Variants in ACTR3C observed in about 807,000 individuals in gnomAD.
The protein encoded by ACTR3C is actin-related protein 3C.
In ACTR3C, 18 loss-of-function variants were observed where a neutral mutation model predicts 26.3. That is an observed-to-expected ratio of 0.68 (90% CI 0.47 to 1.01). ACTR3C has a LOEUF of 1.01. ACTR3C is among the 50% of genes least tolerant of loss of function. The probability of loss-of-function intolerance (pLI) is 0.00; values close to 1 mark genes in which losing one functional copy is unlikely to be tolerated. For missense variants in ACTR3C, 184 were observed against 250.7 expected, an observed-to-expected ratio of 0.73 and a Z score of 1.80; for synonymous variants, 55 against 94.5, an observed-to-expected ratio of 0.58 and a Z score of 2.42.
the ACTR3C span, among the ~76,000 whole-genome samples, chr7:150,056,077 A>G: frequency 6.6e-6 from 1 of 152,238 alleles, no homozygotes; most frequent in Non-Finnish European, 1.5e-5. Flanking sequence ...AAATGGAAAT[A>G]TCTACAAATT....
the ACTR3C span, among the ~76,000 whole-genome samples, chr7:150,154,437 G>A: frequency 4.6e-5 from 7 of 151,638 alleles, no homozygotes; most frequent in Non-Finnish European, 5.9e-5. Context: ...TACATAGGGC[G>A]ATTTGTTGGT....
At chr7:150,180,170 T>C in the ACTR3C span, among the ~76,000 whole-genome samples, 1 of 150,116 alleles carries the variant, frequency 6.7e-6, no homozygotes, top group African/African-American at 2.5e-5. Context: ...CCGGGCGTGG[T>C]CGTGGGCACC....
At chr7:150,196,697 TC>T in the ACTR3C span, among the ~76,000 whole-genome samples, 3 of 152,182 alleles carry the variant, frequency 2.0e-5, no homozygotes, top group African/African-American at 7.2e-5. Context: ...GGCTTTTTTT[TC>T]CTACTCCTTG....
At chr7:150,289,340 G>A (rs1836031616) in intron 4 of ACTR3C, 110 bp downstream of exon 4, 1 of 1,427,106 alleles carries the variant, frequency 7.0e-7, no homozygotes, top group Non-Finnish European at 9.2e-7. Context: ...CCACACTCAT[G>A]GGAAGGGGAG....
the ACTR3C span, among the ~76,000 whole-genome samples, chr7:149,915,822 C>G: frequency 6.7e-6 from 1 of 150,280 alleles, no homozygotes; most frequent in African/African-American, 2.5e-5. Flanking sequence ...TATACACACA[C>G]AAAAATGTTC....
chr7:150,320,648 A>G (rs1300429381), intron 1 of ACTR3C, among the ~76,000 whole-genome samples: 2 of 152,202 alleles, frequency 1.3e-5, no homozygotes, highest in African/African-American at 4.8e-5. Context: ...CTGTAATTCC[A>G]GCTACTTCGA....
the ACTR3C span, among the ~76,000 whole-genome samples, chr7:150,129,451 TTGATTTGCAGATAAAA>T: frequency 6.6e-5 from 10 of 152,190 alleles, no homozygotes; most frequent in African/African-American, 2.4e-4. Flanking sequence ...TAAAACTGGC[TTGATTTGCAGATAAAA>T]TGAACAGCTA....
the ACTR3C span, among the ~76,000 whole-genome samples, chr7:149,895,612 A>G: frequency 6.6e-6 from 1 of 152,138 alleles, no homozygotes; most frequent in Non-Finnish European, 1.5e-5. Flanking sequence ...AGGCAGGAGG[A>G]TAGCTTGAGC....
At chr7:150,036,053 C>T in the ACTR3C span, among the ~76,000 whole-genome samples, 3 of 119,858 alleles carry the variant, frequency 2.5e-5, no homozygotes, top group South Asian at 2.5e-4. Context: ...GAGGGGCTCG[C>T]TCTCAGTCCC....
At chr7:150,127,653 T>C in the ACTR3C span, among the ~76,000 whole-genome samples, 1 of 152,174 alleles carries the variant, frequency 6.6e-6, no homozygotes, top group African/African-American at 2.4e-5. Context: ...GAAAAACATA[T>C]CCGTTTTATT....
chr7:150,232,088 T>C, the ACTR3C span, among the ~76,000 whole-genome samples: 1 of 152,226 alleles, frequency 6.6e-6, no homozygotes, highest in Non-Finnish European at 1.5e-5. Flanking sequence ...TTGTTGTCTT[T>C]TTTGAGAATT....
At chr7:150,287,309 C>A (rs1029052824) in intron 4 of ACTR3C, among the ~76,000 whole-genome samples, 38 of 151,960 alleles carry the variant, frequency 2.5e-4, no homozygotes, top group Non-Finnish European at 3.4e-4. Context: ...GTGATAGGTC[C>A]CGGGGAAGAA....
chr7:149,971,957 A>C, the ACTR3C span, among the ~76,000 whole-genome samples: 1 of 152,076 alleles, frequency 6.6e-6, no homozygotes, highest in Admixed American at 6.5e-5. Flanking sequence ...TGGGATCTCT[A>C]AGGGCCCTCT....
At chr7:149,926,025 C>T in the ACTR3C span, among the ~76,000 whole-genome samples, 68,596 of 151,648 alleles carry the variant, frequency 0.45, 16,327 homozygotes, top group Non-Finnish European at 0.53. Flanking sequence ...ACTGTGCCGC[C>T]GCACTCTAGC....
chr7:149,997,552 A>C, the ACTR3C span, among the ~76,000 whole-genome samples: 2 of 152,044 alleles, frequency 1.3e-5, no homozygotes, highest in African/African-American at 4.8e-5. Context: ...GAATGACGGG[A>C]TTATTAGGAA....
intron 6 of ACTR3C, among the ~76,000 whole-genome samples, chr7:150,265,514 T>A (rs1403255750): frequency 6.6e-6 from 1 of 151,896 alleles, no homozygotes; most frequent in Non-Finnish European, 1.5e-5. Context: ...GCCAACATGG[T>A]GAAACCCCAT....
At chr7:150,106,378 C>T in the ACTR3C span, among the ~76,000 whole-genome samples, 5 of 76,512 alleles carry the variant, frequency 6.5e-5, no homozygotes, top group East Asian at 1.6e-3. Flanking sequence ...GGGGTTGGCA[C>T]CATGGCTAGG....
intron 1 of ACTR3C, among the ~76,000 whole-genome samples, chr7:150,301,800 T>C (rs1346283344): frequency 4.0e-5 from 6 of 151,352 alleles, no homozygotes; most frequent in Non-Finnish European, 8.8e-5. Context: ...ATTCCATTTA[T>C]ATGAGGGCCC....
At chr7:150,032,451 C>T in the ACTR3C span, among the ~76,000 whole-genome samples, 7 of 152,324 alleles carry the variant, frequency 4.6e-5, no homozygotes, top group East Asian at 1.2e-3. Flanking sequence ...ACACAACTGA[C>T]TCCAAGTGGC....
Sources: gnomAD v4.1 joint callset for allele counts (sites outside exome capture counted in the v4.1 genomes callset) on GRCh38, gnomAD v4.1.1 for gene constraint, MANE v1.5 for transcripts, NCBI Gene and HGNC (gene_info 2026-07-23, HGNC 2026-07-21) for gene names.